The following TMEFF1 variants were observed in gnomAD, a reference collection of about 807,000 sequenced individuals.
TMEFF1 encodes the protein tomoregulin-1.
In TMEFF1, 20 loss-of-function variants were observed where a neutral mutation model predicts 47.5. The ratio of observed to expected loss-of-function variants is 0.42; its 90% CI spans 0.30 to 0.61. The LOEUF (loss-of-function observed/expected upper bound fraction) is 0.61, where lower values mean the gene tolerates loss of function less well. Among genes scored for constraint, TMEFF1 ranks in the 20% least tolerant of loss-of-function variants. The pLI is 0.19. For missense variants in TMEFF1, 411 were observed against 471.1 expected (o/e 0.87, Z 1.18); for synonymous variants, 162 against 166.3 (o/e 0.97, Z 0.20).
intron 7 of TMEFF1, among the ~76,000 whole-genome samples, chr9:100,553,620 G>T (rs1838865208): frequency 6.6e-6 from 1 of 152,184 alleles, no homozygotes; most frequent in African/African-American, 2.4e-5. Flanking sequence ...TGAAATTGGG[G>T]TGTTAGAAGC....
chr9:100,523,614 G>A (rs1261175078), intron 5 of TMEFF1, among the ~76,000 whole-genome samples: 2 of 152,174 alleles, frequency 1.3e-5, no homozygotes, highest in African/African-American at 4.8e-5. Flanking sequence ...GGCTTTATTA[G>A]GTGTTTGTTA....
chr9:100,481,012 C>T (rs943317268), intron 1 of TMEFF1, among the ~76,000 whole-genome samples: 4 of 152,282 alleles, frequency 2.6e-5, no homozygotes, highest in South Asian at 4.1e-4. Context: ...AAACAACAGA[C>T]GCACTTTTGC....
At chr9:100,525,557 C>G (rs1823028192) in intron 5 of TMEFF1, among the ~76,000 whole-genome samples, 2 of 150,724 alleles carry the variant, frequency 1.3e-5, no homozygotes, top group South Asian at 4.2e-4. Flanking sequence ...ACCGGAAGCT[C>G]CCGAACCCCC....
chr9:100,538,819 C>T (rs750976930), intron 5 of TMEFF1, among the ~76,000 whole-genome samples: 5 of 152,088 alleles, frequency 3.3e-5, no homozygotes, highest in Admixed American at 2.6e-4. Context: ...ATTTTACTTT[C>T]GACGTTTGGA....
At chr9:100,508,580 C>G (rs1837906144) in intron 2 of TMEFF1, among the ~76,000 whole-genome samples, 1 of 151,592 alleles carries the variant, frequency 6.6e-6, no homozygotes, top group Non-Finnish European at 1.5e-5. Context: ...TTTGTGTCTT[C>G]TGTACCATTT....
intron 2 of TMEFF1, among the ~76,000 whole-genome samples, chr9:100,505,410 C>CTA (rs1837838657): frequency 3.8e-5 from 1 of 26,430 alleles, no homozygotes. Flanking sequence ...GACCCTGTCT[C>CTA]AAAAAAAAAA....
chr9:100,559,001 G>A (rs1043268401), intron 7 of TMEFF1, among the ~76,000 whole-genome samples: 9 of 152,276 alleles, frequency 5.9e-5, no homozygotes, highest in African/African-American at 2.2e-4. Context: ...GCTAGAGAGT[G>A]TTGTAACCAG....
chr9:100,519,034 A>G (rs1161161472), intron 5 of TMEFF1, among the ~76,000 whole-genome samples: 4 of 152,252 alleles, frequency 2.6e-5, no homozygotes, highest in African/African-American at 9.6e-5. Flanking sequence ...TATTAAGAAC[A>G]AAAGCTCAGT....
At chr9:100,562,630 G>GTTTTGT (rs1460535824) in intron 8 of TMEFF1, among the ~76,000 whole-genome samples, 30 of 142,450 alleles carry the variant, frequency 2.1e-4, no homozygotes, top group Admixed American at 5.6e-4. Flanking sequence ...TTTTTTTTTT[G>GTTTTGT]TTTGTTTTGT....
intron 2 of TMEFF1, among the ~76,000 whole-genome samples, chr9:100,506,492 G>T (rs981020876): frequency 1.3e-5 from 2 of 151,936 alleles, no homozygotes; most frequent in African/African-American, 4.8e-5. Context: ...CAGGCCAGGC[G>T]CAGTGGCTTA....
chr9:100,504,100 C>T (rs1837814157), intron 2 of TMEFF1, among the ~76,000 whole-genome samples: 1 of 152,216 alleles, frequency 6.6e-6, no homozygotes, highest in African/African-American at 2.4e-5. Context: ...AACATCATCA[C>T]ATTCTTCTAG....
intron 2 of TMEFF1, among the ~76,000 whole-genome samples, chr9:100,505,985 T>C (rs1837853438): frequency 6.6e-6 from 1 of 152,190 alleles, no homozygotes; most frequent in South Asian, 2.1e-4. Context: ...GAAAGCAATG[T>C]GATCCATGAA....
At chr9:100,527,605 C>T (rs577685279) in intron 5 of TMEFF1, among the ~76,000 whole-genome samples, 34 of 152,162 alleles carry the variant, frequency 2.2e-4, no homozygotes, top group Admixed American at 3.9e-4. Context: ...CATATAGTCT[C>T]GCTGATGGCT....
At chr9:100,533,558 T>A (rs1288028976) in intron 5 of TMEFF1, among the ~76,000 whole-genome samples, 1 of 152,184 alleles carries the variant, frequency 6.6e-6, no homozygotes, top group Non-Finnish European at 1.5e-5. Context: ...AATTTGAAAG[T>A]CTTTTCAAAG....
In TMEFF1 at chr9:100,473,404, G is replaced by A; in HGVS notation, c.-141G>A. Reference sequence around the variant, plus strand: ...GGGCCTGGCGGACGCTGCGGGTGGGGCGGGGATGCTGACGGGCTGCTCCCC... The same window carrying A: ...GGGCCTGGCGGACGCTGCGGGTGGGACGGGGATGCTGACGGGCTGCTCCCC... On this transcript the variant is annotated 5_prime_UTR_variant, in exon 1 of 10. Transcript: ENST00000374879. This position sits in a 1 kb window ranked among gnomAD's most constrained non-coding sequence, Gnocchi z 5.4. The A allele has an allele frequency of 3.6e-6, 2 of 553,706 alleles. No homozygotes were observed. Among genetic ancestry groups the A allele is most frequent in the Non-Finnish European group, 2.6e-6 (1 of 383,580 alleles). 34.3% of individuals were successfully genotyped at this position (553,706 alleles called of 1,614,324 possible).
chr9:100,529,873 C>G (rs1407068776), intron 5 of TMEFF1, among the ~76,000 whole-genome samples: 1 of 152,096 alleles, frequency 6.6e-6, no homozygotes, highest in Non-Finnish European at 1.5e-5. Context: ...TGTAAAAGAA[C>G]AGAAATTATA....
At chr9:100,514,658 C>T (rs1037657037) in intron 4 of TMEFF1, among the ~76,000 whole-genome samples, 12 of 147,968 alleles carry the variant, frequency 8.1e-5, no homozygotes, top group African/African-American at 2.8e-4. Flanking sequence ...TGAAACCAGC[C>T]TGGGCAACAT....
Position 100,576,808 on chromosome 9 carries a change from A to G in TMEFF1, c.*208A>G, listed in dbSNP as rs547196589. The stretch of plus-strand genomic sequence containing the variant: ...TTTTAAATACAGAAATTGCTTTCAC[A>G]AATTTGTACCACATGGTAATTCTAA... On this transcript the variant is annotated 3_prime_UTR_variant, in exon 10 of 10. Coordinates refer to ENST00000374879, the MANE Select transcript of TMEFF1 (RefSeq NM_003692.5). The G allele has an allele frequency of 5.4e-5, 26 of 483,414 alleles. No homozygotes were observed. The highest frequency in any genetic ancestry group is 2.8e-4 in the African/African-American group (14 of 50,518). 29.9% of individuals were successfully genotyped at this position (483,414 alleles called of 1,614,324 possible).
intron 5 of TMEFF1, among the ~76,000 whole-genome samples, chr9:100,518,196 A>G (rs1016352828): frequency 1.3e-5 from 2 of 152,216 alleles, no homozygotes; most frequent in Non-Finnish European, 2.9e-5. Context: ...GCTGGGTGCA[A>G]TGGCTCATGT....
Sources: allele counts gnomAD v4.1 joint callset (sites outside exome capture counted in the v4.1 genomes callset), GRCh38; gene constraint gnomAD v4.1.1; non-coding constraint Gnocchi (gnomAD v3.1); transcripts MANE v1.5; gene names NCBI Gene and HGNC (gene_info 2026-07-23, HGNC 2026-07-21).